CHERP: variants seen among roughly 807,000 people sequenced by gnomAD.
The protein encoded by CHERP is ERPROT 213-21.
A neutral mutation model predicts 113.8 loss-of-function variants in CHERP; 8 were observed. The ratio of observed to expected loss-of-function variants is 0.07; its 90% CI spans 0.04 to 0.13. CHERP has a LOEUF of 0.13. Ranked by LOEUF, CHERP falls within the 10% of genes least tolerant of loss-of-function variation. CHERP has a pLI of 1.00. For missense variants in CHERP, 884 were observed against 1,298.2 expected, an observed-to-expected ratio of 0.68 and a Z score of 4.90; for synonymous variants, 559 against 524.5, an observed-to-expected ratio of 1.07 and a Z score of -0.90.
At chr19:16,540,718 G>C (rs551228536) in intron 2 of CHERP, among the ~76,000 whole-genome samples, 1 of 144,472 alleles carries the variant, frequency 6.9e-6, no homozygotes, top group South Asian at 2.2e-4. Context: ...TTTTTTTTGA[G>C]ATGGAGTCTT....
In CHERP at chr19:16,529,688, G is replaced by T. The variant is rs755978933; in HGVS notation, c.1089C>A (p.Ala363=). 1.9e-6 allele frequency: 3 copies of T among 1,569,212 alleles called. No individual in the cohort carries two copies. The South Asian group carries it at 3.4e-5, about 18-fold the overall frequency. ...GCGGGATGGCAGGGGCAGGTGCTGGGGCCGGGGGTGGAGCAGGCGGTGGAG... is the reference window on the plus strand; with the variant it reads ...GCGGGATGGCAGGGGCAGGTGCTGGTGCCGGGGGTGGAGCAGGCGGTGGAG... ...ATPPPPAPPP[A]PAPAPAIPPT... The change falls in exon 8 of 17, where the codon GCC becomes GCA. Residue 363 remains alanine (A), a synonymous_variant. Coordinates refer to ENST00000546361, the MANE Select transcript of CHERP (RefSeq NM_006387.6).
intron 11 of CHERP, among the ~76,000 whole-genome samples, chr19:16,522,321 T>C (rs541616652): frequency 6.0e-5 from 9 of 149,170 alleles, no homozygotes; most frequent in African/African-American, 1.7e-4. Context: ...TGTAGTGGCG[T>C]GATCTCGGCT....
rs1261581930 is a variant in CHERP, at chr19:16,532,468, T to A, written c.674+130A>T. On this transcript the variant is annotated intron_variant, in intron 5 of 16. Coordinates refer to ENST00000546361, the MANE Select transcript of CHERP (RefSeq NM_006387.6). The surrounding 1 kb of genome is among the most constrained non-coding windows in gnomAD (Gnocchi z 4.4). ...GCTCACAGAGACCCCCCACCCGGGGTCCCCGGACAAGTGCCCCCTAGTCTC... is the reference window on the plus strand; with the variant it reads ...GCTCACAGAGACCCCCCACCCGGGGACCCCGGACAAGTGCCCCCTAGTCTC... The A allele has an allele frequency of 3.4e-6, 4 of 1,160,028 alleles. No homozygotes were observed. Among genetic ancestry groups the A allele is most frequent in the Non-Finnish European group, 4.7e-6 (4 of 851,904 alleles). 71.9% of individuals were successfully genotyped at this position (1,160,028 alleles called of 1,614,324 possible).
At position 16,532,785 on chromosome 19, in the gene CHERP, C is replaced by A; in HGVS notation, c.523-36G>T. On this transcript the variant is annotated intron_variant, in intron 4 of 16. Coordinates refer to ENST00000546361, the MANE Select transcript of CHERP (RefSeq NM_006387.6). The surrounding 1 kb of genome is among the most constrained non-coding windows in gnomAD (Gnocchi z 4.4). ...CGAGCCAATGACGAGTGAGCAGGGC[C>A]GCGGCTCCCCCAGGCACCCACTGCA... The A allele has an allele frequency of 1.3e-6, 2 of 1,584,066 alleles. No homozygotes were observed. The highest frequency in any genetic ancestry group is 1.7e-6 in the Non-Finnish European group (2 of 1,160,478).
intron 9 of CHERP, among the ~76,000 whole-genome samples, chr19:16,527,411 C>T (rs571573103): frequency 1.8e-4 from 28 of 152,344 alleles, no homozygotes; most frequent in African/African-American, 6.7e-4. Context: ...CAGAGCCAGT[C>T]TCCTTGCCAT....
chr19:16,540,712 T>TG (rs2085773340), intron 2 of CHERP, among the ~76,000 whole-genome samples: 1 of 151,328 alleles, frequency 6.6e-6, no homozygotes, highest in Non-Finnish European at 1.5e-5. Flanking sequence ...TCTTTTTTTT[T>TG]TTTGAGATGG....
rs764027518 is a variant in CHERP at position 16,542,357 on chromosome 19, C to CG, written c.21dup (p.Asp8ArgfsTer2). 1 of 1,394,148 alleles carries CG rather than the reference C, an allele frequency of 7.2e-7. No homozygotes were observed. 86.4% of individuals were successfully genotyped at this position (1,394,148 alleles called of 1,614,324 possible). A position where few individuals can be genotyped will look rare whatever the true frequency, so the allele number is the denominator to read the frequency against. Reference sequence around the variant, plus strand: ...TCTCGGCCGGTTTGGGTCTCACCATCGGGGGGCAGCGGCATCTCCATGGCT... The same window carrying CG: ...TCTCGGCCGGTTTGGGTCTCACCATCGGGGGGGCAGCGGCATCTCCATGGCT... On this transcript the variant is annotated frameshift_variant, in exon 1 of 17. Coordinates refer to ENST00000546361, the MANE Select transcript of CHERP (RefSeq NM_006387.6). LOFTEE classifies it high-confidence loss of function.
At chr19:16,537,906 T>C (rs2085752165) in intron 2 of CHERP, among the ~76,000 whole-genome samples, 2 of 152,198 alleles carry the variant, frequency 1.3e-5, no homozygotes, top group African/African-American at 4.8e-5. Context: ...ACATTGTTAC[T>C]GTGCTTTGCA....
chr19:16,531,050 T>C, intron 5 of CHERP, 170 bp from the exon 6 acceptor site: 1 of 1,158,844 alleles, frequency 8.6e-7, no homozygotes, highest in African/African-American at 1.6e-5. Context: ...GTGCCTGGGC[T>C]CGAGGAAGGG....
At chr19:16,539,410 G>A (rs2085763068) in intron 2 of CHERP, among the ~76,000 whole-genome samples, 2 of 152,154 alleles carry the variant, frequency 1.3e-5, no homozygotes, top group South Asian at 4.1e-4. Flanking sequence ...GCCTCCCAAA[G>A]TGCTGGGATT....
At chr19:16,539,146 G>GTTTTT (rs889826521) in intron 2 of CHERP, among the ~76,000 whole-genome samples, 1 of 130,874 alleles carries the variant, frequency 7.6e-6, no homozygotes, top group Non-Finnish European at 1.6e-5. Flanking sequence ...TTTAGAAACG[G>GTTTTT]TTTTTTTTTT....
rs1047079960 is a variant in CHERP, at chr19:16,532,946, C to T, written c.522+65G>A. 3.5e-5 allele frequency: 54 copies of T among 1,545,358 alleles called. No homozygotes were observed. Among genetic ancestry groups the T allele is most frequent in the South Asian group, 3.0e-4 (25 of 83,594 alleles). Reference sequence around the variant, plus strand: ...AACAGCCCTTAGCCCAGATTGGCTACGACAGGCCCTGCCTCAGGGAGGGAC... The same window carrying T: ...AACAGCCCTTAGCCCAGATTGGCTATGACAGGCCCTGCCTCAGGGAGGGAC... On this transcript the variant is annotated intron_variant, in intron 4 of 16. Coordinates refer to ENST00000546361, the MANE Select transcript of CHERP (RefSeq NM_006387.6). This position sits in a 1 kb window ranked among gnomAD's most constrained non-coding sequence, Gnocchi z 4.4.
chr19:16,542,039 C>T lies in CHERP; in HGVS notation c.30G>A (p.Gln10=). 10 of 1,612,528 alleles carry T rather than the reference C, an allele frequency of 6.2e-6. No individual in the cohort carries two copies. Among genetic ancestry groups the T allele is most frequent in the Non-Finnish European group, 8.5e-6 (10 of 1,179,492 alleles). The change falls in exon 2 of 17, where the codon CAG becomes CAA. Residue 10 remains glutamine (Q), a synonymous_variant. Coordinates refer to ENST00000546361, the MANE Select transcript of CHERP (RefSeq NM_006387.6). MEMPLPPDD[Q]ELRNVIDKLA... ...GCTTGTCGATGACATTTCGAAGCTC[C>T]TGGTCTGGAGGACGGAGAAAAGGCC...
rs747324706 is a variant in CHERP at position 16,520,218 on chromosome 19, G to A, written c.2393C>T (p.Ser798Leu). ...RSSRSRSRSQ[S>L]RSRSKSYSPG... is the part of the protein sequence containing the mutation. ...GGAGTACGACTTGGACCGGGACCGC[G>A]ACTGGGACCGGGAGCGGCTTCTGGA... Residue 798 changes from serine to leucine, a missense_variant, in exon 15 of 17, where the codon TCG becomes TTG. Coordinates refer to ENST00000546361, the MANE Select transcript of CHERP (RefSeq NM_006387.6). This position sits in a 1 kb window ranked among gnomAD's most constrained non-coding sequence, Gnocchi z 4.0. The A allele has an allele frequency of 1.9e-6, 3 of 1,613,274 alleles. No homozygotes were observed. The highest frequency in any genetic ancestry group is 1.3e-5 in the African/African-American group (1 of 74,898).
rs756082338 is a variant in CHERP, at chr19:16,530,676, TGGCGGTG to T, written c.787-9_787-3del. On this transcript the variant is annotated splice_region_variant and splice_polypyrimidine_tract_variant and intron_variant, in intron 6 of 16. Transcript: ENST00000546361. The surrounding 1 kb of genome is among the most constrained non-coding windows in gnomAD (Gnocchi z 4.1). ...GTTTTTCTCCCAGAGCTGCAGGAGC[TGGCGGTG>T]GGAGGAGAGAGAGGCCGGGTCAGTG... 2.6e-5 allele frequency: 42 copies of T among 1,613,896 alleles called. No homozygotes were observed. The highest frequency in any genetic ancestry group is 3.6e-5 in the Non-Finnish European group (42 of 1,179,926).
At position 16,519,138 on chromosome 19, in the gene CHERP, C is replaced by T. The variant is rs543574733; in HGVS notation, c.*21G>A. ...CACAGCCGGCACCGCTGGCCACCGGCGCGGCTCCCGGCATGGGCGCCTACT... is the reference window on the plus strand; with the variant it reads ...CACAGCCGGCACCGCTGGCCACCGGTGCGGCTCCCGGCATGGGCGCCTACT... On this transcript the variant is annotated 3_prime_UTR_variant, in exon 17 of 17. Coordinates refer to ENST00000546361, the MANE Select transcript of CHERP (RefSeq NM_006387.6). This position sits in a 1 kb window ranked among gnomAD's most constrained non-coding sequence, Gnocchi z 6.0. 65 of 1,603,684 alleles carry T rather than the reference C, an allele frequency of 4.1e-5. No individual in the cohort carries two copies. The highest frequency in any genetic ancestry group is 1.7e-4 in the Middle Eastern group (1 of 6,034).
In CHERP at chr19:16,535,783, C is replaced by T. The variant is rs1414721547; in HGVS notation, c.200-147G>A. ...GTTCATAGCCTCATGCCCACGCAAA[C>T]CAGCTCCTCCTAGTCTCGGGTCCTG... On this transcript the variant is annotated intron_variant, in intron 2 of 16. Coordinates refer to ENST00000546361, the MANE Select transcript of CHERP (RefSeq NM_006387.6). The surrounding 1 kb of genome is among the most constrained non-coding windows in gnomAD (Gnocchi z 4.3). The T allele has an allele frequency of 1.4e-6, 1 of 722,480 alleles. No individual in the cohort carries two copies. The highest frequency in any genetic ancestry group is 1.8e-5 in the African/African-American group (1 of 54,834). The allele number at this position is 722,480 out of a possible 1,614,324, so 44.8% of individuals were successfully genotyped here. A position where few individuals can be genotyped will look rare whatever the true frequency, so the allele number is the denominator to read the frequency against.
intron 9 of CHERP, among the ~76,000 whole-genome samples, 187 bp downstream of exon 9, chr19:16,527,893 C>T (rs1204375390): frequency 6.6e-6 from 1 of 152,206 alleles, no homozygotes; most frequent in Non-Finnish European, 1.5e-5. Flanking sequence ...ACGTGAAGAC[C>T]TGTCACTTGA....
intron 8 of CHERP, among the ~76,000 whole-genome samples, chr19:16,528,682 G>A (rs527305792): frequency 2.0e-5 from 3 of 152,244 alleles, no homozygotes; most frequent in Non-Finnish European, 2.9e-5. Flanking sequence ...GGCCGGGTGC[G>A]GTGGCTCACG....
Sources: gnomAD v4.1 joint callset for allele counts (sites outside exome capture counted in the v4.1 genomes callset) on GRCh38, gnomAD v4.1.1 for gene constraint, Gnocchi (gnomAD v3.1) non-coding constraint, MANE v1.5 for transcripts, NCBI Gene and HGNC (gene_info 2026-07-23, HGNC 2026-07-21) for gene names.